The following BRCA1 variants were observed in gnomAD, a reference collection of about 807,000 sequenced individuals.
The protein encoded by BRCA1 is breast cancer type 1 susceptibility protein.
BRCA1 carries 140 observed loss-of-function variants against 173.7 expected under a neutral mutation model. That is an observed-to-expected ratio of 0.81 (90% CI 0.70 to 0.93). BRCA1 has a LOEUF of 0.93. BRCA1 is among the 40% of genes least tolerant of loss of function. BRCA1 has a pLI of 0.00. For synonymous variants in BRCA1, 662 were observed against 756.0 expected, an observed-to-expected ratio of 0.88 and a Z score of 2.04; for missense variants, 1,983 against 2,172.5, an observed-to-expected ratio of 0.91 and a Z score of 1.73.
At position 43,045,429 on chromosome 17, in the gene BRCA1, A is replaced by T. The variant is rs1410946668; in HGVS notation, c.*249T>A. 1 of 688,150 alleles carries T rather than the reference A, an allele frequency of 1.5e-6. No individual in the cohort carries two copies. Among genetic ancestry groups the T allele is most frequent in the Non-Finnish European group, 2.6e-6 (1 of 379,860 alleles). The allele number at this position is 688,150 out of a possible 1,614,324, so 42.6% of individuals were successfully genotyped here. On this transcript the variant is annotated 3_prime_UTR_variant, in exon 23 of 23. Transcript: ENST00000357654. ...AATTGGTGGCGTTTAAATGGTTTTA[A>T]AATCTTCTCAGGTGAAAAATTACCA...
At chr17:43,086,265 C>T (rs1360913799) in intron 11 of BRCA1, among the ~76,000 whole-genome samples, 2 of 152,122 alleles carry the variant, frequency 1.3e-5, no homozygotes, top group Non-Finnish European at 2.9e-5. Context: ...TAGGAGGAAG[C>T]TTCCCTTAAT....
chr17:43,084,402 G>T (rs2053149329), intron 11 of BRCA1, among the ~76,000 whole-genome samples: 1 of 150,870 alleles, frequency 6.6e-6, no homozygotes, highest in Non-Finnish European at 1.5e-5. Context: ...CTGACCTCAG[G>T]TGATCTGCCC....
chr17:43,095,834 C>T lies in BRCA1; in HGVS notation c.670+12G>A, dbSNP rs560661816. ...TTTCAGTGCCTGTTAAGTTGGCAAA[C>T]TTTGCCATTACCCTTTTTTGCAGAA... On this transcript the variant is annotated intron_variant, in intron 9 of 22. Coordinates refer to ENST00000357654, the MANE Select transcript of BRCA1 (RefSeq NM_007294.4). 4.4e-6 allele frequency: 7 copies of T among 1,608,034 alleles called. No homozygotes were observed. In the South Asian group the frequency reaches 6.6e-5, roughly 15 times the overall value.
chr17:43,087,170 C>T (rs2053260312), intron 11 of BRCA1, among the ~76,000 whole-genome samples: 1 of 152,016 alleles, frequency 6.6e-6, no homozygotes, highest in Non-Finnish European at 1.5e-5. Context: ...AATCCTAGTC[C>T]CAGTAATTTA....
At chr17:43,130,252 G>A (rs1023206317), upstream of BRCA1, among the ~76,000 whole-genome samples, 8 of 152,166 alleles carry the variant, frequency 5.3e-5, no homozygotes, top group African/African-American at 1.2e-4. Context: ...CTAGGTTCAC[G>A]ATCCTTCCAC....
intron 1 of BRCA1, chr17:43,148,480 C>T (rs778358195): frequency 6.6e-6 from 1 of 152,158 alleles, no homozygotes; most frequent in African/African-American, 2.4e-5. Context: ...TGCGTTTTCT[C>T]TTGTGGGCAG....
intron 12 of BRCA1, chr17:43,079,452 G>C (rs927901466): frequency 6.8e-6 from 10 of 1,477,144 alleles, no homozygotes; most frequent in Middle Eastern, 1.7e-4. Context: ...TGTTCAAAAA[G>C]GAATGCCCCA....
At chr17:43,155,376 G>C (rs144432098) in intron 1 of BRCA1, among the ~76,000 whole-genome samples, 2 of 151,908 alleles carry the variant, frequency 1.3e-5, no homozygotes, top group Non-Finnish European at 2.9e-5. Flanking sequence ...CACCATGCCC[G>C]GCCATCTTTT....
chr17:43,096,429 G>A (rs933001642), intron 8 of BRCA1, among the ~76,000 whole-genome samples: 9 of 150,624 alleles, frequency 6.0e-5, no homozygotes, highest in South Asian at 2.1e-4. Context: ...TCAATTAACC[G>A]GGCGTGGTGG....
In BRCA1 at chr17:43,106,461, G is replaced by C. The variant is rs1567812175; in HGVS notation, c.207C>G (p.Thr69=). 6.3e-7 allele frequency: 1 copy of C among 1,585,702 alleles called. No homozygotes were observed. The highest frequency in any genetic ancestry group is 1.1e-5 in the South Asian group (1 of 89,458). The change falls in exon 4 of 23, where the codon ACC becomes ACG. Residue 69 remains threonine, a synonymous_variant. Transcript: ENST00000357654. ...SQCPLCKNDI[T]KRSLQESTRF... ...ATCATTACCAAATTATATACCTTTTGGTTATATCATTCTTACATAAAGGAC... is the reference window on the plus strand; with the variant it reads ...ATCATTACCAAATTATATACCTTTTCGTTATATCATTCTTACATAAAGGAC...
upstream of BRCA1, among the ~76,000 whole-genome samples, chr17:43,127,414 A>C (rs1307786519): frequency 5.3e-5 from 8 of 152,116 alleles, no homozygotes; most frequent in African/African-American, 1.9e-4. Context: ...TTCTGTGTCT[A>C]GCTAAAGGAT....
At chr17:43,087,813 C>T (rs895963581) in intron 11 of BRCA1, among the ~76,000 whole-genome samples, 3 of 152,042 alleles carry the variant, frequency 2.0e-5, no homozygotes, top group South Asian at 2.1e-4. Context: ...TGGCTCACCA[C>T]GGCCTCAACT....
chr17:43,138,632 A>T, intron 1 of BRCA1: 1 of 770,178 alleles, frequency 1.3e-6, no homozygotes, highest in Non-Finnish European at 2.4e-6. Context: ...TGCTCATGAC[A>T]TTCATTTCAC....
At chr17:43,098,684 T>A (rs1359520675) in intron 7 of BRCA1, among the ~76,000 whole-genome samples, 2 of 151,932 alleles carry the variant, frequency 1.3e-5, no homozygotes, top group Non-Finnish European at 2.9e-5. Context: ...ATTATTATTT[T>A]AAAAATAGAG....
rs80357108 is a variant in BRCA1, at chr17:43,093,084, T to C, written c.2447A>G (p.His816Arg). Reference protein sequence around the residue: ...AAFENPKGLIHGCSKDNRNDT... With the variant: ...AAFENPKGLIRGCSKDNRNDT... ...ATTTCTATTATCTTTGGAACAACCA[T>C]GAATTAGTCCCTTGGGGTTTTCAAA... is the stretch of plus-strand genomic sequence containing the variant. The change falls in exon 10 of 23, where the codon CAT becomes CGT. Residue 816 changes from histidine (H) to arginine (R), a missense_variant. Coordinates refer to ENST00000357654, the MANE Select transcript of BRCA1 (RefSeq NM_007294.4). 70 of 1,613,644 alleles carry C rather than the reference T, an allele frequency of 4.3e-5. 1 individual carries two copies. Among genetic ancestry groups the C allele is most frequent in the Non-Finnish European group, 5.6e-5 (66 of 1,179,982 alleles).
intron 1 of BRCA1, among the ~76,000 whole-genome samples, chr17:43,147,229 G>A (rs2056129415): frequency 6.6e-6 from 1 of 151,892 alleles, no homozygotes; most frequent in Admixed American, 6.6e-5. Flanking sequence ...TCGCTCTGTA[G>A]CCCAGGCTGG....
chr17:43,129,430 C>A (rs540050913), upstream of BRCA1, among the ~76,000 whole-genome samples: 42 of 152,040 alleles, frequency 2.8e-4, no homozygotes, highest in Non-Finnish European at 5.0e-4. Flanking sequence ...GAAAAAGAGA[C>A]GAAGATTAAT....
chr17:43,130,703 C>T (rs1239084362), intron 1 of BRCA1, among the ~76,000 whole-genome samples: 3 of 152,108 alleles, frequency 2.0e-5, no homozygotes, highest in East Asian at 1.9e-4. Flanking sequence ...ACTGTGAGAT[C>T]GGCAAAACAG....
At chr17:43,166,166 C>G (rs1377887649) in intron 1 of BRCA1, 1 of 151,560 alleles carries the variant, frequency 6.6e-6, no homozygotes, top group African/African-American at 2.4e-5. Flanking sequence ...CTCTCTCTCT[C>G]TCTCTCTCTC....
Sources: allele counts gnomAD v4.1 joint callset (sites outside exome capture counted in the v4.1 genomes callset), GRCh38; gene constraint gnomAD v4.1.1; transcripts MANE v1.5; gene names NCBI Gene and HGNC (gene_info 2026-07-23, HGNC 2026-07-21).